SMYD5: variants seen among roughly 807,000 people sequenced by gnomAD.
SMYD5 encodes the protein protein-lysine N-trimethyltransferase SMYD5.
Under a neutral mutation model 57.4 loss-of-function variants are expected in SMYD5, and 35 were observed. That is an observed-to-expected ratio of 0.61 (90% confidence interval 0.47 to 0.81). SMYD5 has a LOEUF of 0.81. Ranked by LOEUF, SMYD5 falls within the 30% of genes least tolerant of loss-of-function variation. The probability of loss-of-function intolerance (pLI) is 0.00; values close to 1 mark genes in which losing one functional copy is unlikely to be tolerated. For synonymous variants in SMYD5, 198 were observed against 189.7 expected (o/e 1.04, Z -0.36); for missense variants, 471 against 527.9 (o/e 0.89, Z 1.06).
At chr2:73,223,743 G>A (rs946356652) in intron 9 of SMYD5, among the ~76,000 whole-genome samples, 1 of 152,106 alleles carries the variant, frequency 6.6e-6, no homozygotes, top group Admixed American at 6.5e-5. Flanking sequence ...GAGGAGGGGG[G>A]TGCTGGATAA....
rs568161328 is a variant in SMYD5 at position 73,220,784 on chromosome 2, T to TAGG, written c.467+3_467+5dup. 1.1e-3 allele frequency: 1,733 copies of TAGG among 1,613,634 alleles called. 2 individuals carry two copies. Among genetic ancestry groups the TAGG allele is most frequent in the Non-Finnish European group, 1.3e-3 (1,522 of 1,179,908 alleles). ...CAATAAGCTTCAGGAGGCATGGAGGTAGGTTTCTTTTCCTCTCTTCTTTCC... is the reference window on the plus strand; with the variant it reads ...CAATAAGCTTCAGGAGGCATGGAGGTAGGAGGTTTCTTTTCCTCTCTTCTTTCC... On this transcript the variant is annotated splice_region_variant and intron_variant, in intron 4 of 12. Transcript: ENST00000389501.
At chr2:73,214,412 G>A (rs774912589) in intron 1 of SMYD5, 50 bp downstream of exon 1, 1 of 1,610,954 alleles carries the variant, frequency 6.2e-7, no homozygotes, top group Non-Finnish European at 8.5e-7. Context: ...TCCGGCCATG[G>A]AGACAGCCCG....
chr2:73,226,066 C>A lies in SMYD5; in HGVS notation c.*120C>A, dbSNP rs1686497461. The A allele has an allele frequency of 7.3e-7, 1 of 1,362,266 alleles. No individual in the cohort carries two copies. The highest frequency in any genetic ancestry group is 1.5e-5 in the African/African-American group (1 of 68,468). The allele number at this position is 1,362,266 out of a possible 1,614,324, so 84.4% of individuals were successfully genotyped here. A position where few individuals can be genotyped will look rare whatever the true frequency, so the allele number is the denominator to read the frequency against. Reference sequence around the variant, plus strand: ...ATTGCCTGCTTTCCCCATTCCAGCCCTCTCTGCTAGAGGGTAGGAGAGAGC... The same window carrying A: ...ATTGCCTGCTTTCCCCATTCCAGCCATCTCTGCTAGAGGGTAGGAGAGAGC... On this transcript the variant is annotated 3_prime_UTR_variant, in exon 13 of 13. Transcript: ENST00000389501.
chr2:73,225,068 G>A (rs547012273), intron 11 of SMYD5, 108 bp downstream of exon 11: 25 of 765,222 alleles, frequency 3.3e-5, no homozygotes, highest in Non-Finnish European at 5.0e-5. Context: ...CAGGCTGTTG[G>A]GTGGAATCCC....
chr2:73,224,999 AG>A (rs58429816), intron 11 of SMYD5, 39 bp downstream of exon 11: 137,900 of 1,492,304 alleles, frequency 0.092, 7,211 homozygotes, highest in Non-Finnish European at 0.11. Context: ...GGTGGGCAGT[AG>A]GCCTTGGAAG....
Position 73,220,706 on chromosome 2 carries a change from T to C in SMYD5, c.391T>C (p.Tyr131His). 1 of 1,614,066 alleles carries C rather than the reference T, an allele frequency of 6.2e-7. No individual in the cohort carries two copies. Among genetic ancestry groups the C allele is most frequent in the Non-Finnish European group, 8.5e-7 (1 of 1,179,998 alleles). Residue 131 changes from tyrosine to histidine, a missense_variant, in exon 4 of 13, where the codon TAC (tyrosine) becomes CAC (histidine). Transcript: ENST00000389501. Reference sequence around the variant, plus strand: ...ATGTCGGTTGGCAGCCACTGAGCAATACCACCAGGTCCTGTGCCCAGGCCC... The same window carrying C: ...ATGTCGGTTGGCAGCCACTGAGCAACACCACCAGGTCCTGTGCCCAGGCCC... Reference protein sequence around the residue: ...AECRLAATEQYHQVLCPGPSQ... With the variant: ...AECRLAATEQHHQVLCPGPSQ...
intron 2 of SMYD5, among the ~76,000 whole-genome samples, chr2:73,219,506 C>T (rs1048554969): frequency 6.6e-6 from 1 of 152,128 alleles, no homozygotes; most frequent in Non-Finnish European, 1.5e-5. Flanking sequence ...CTCAGCCTCC[C>T]GAGTAGCTGG....
In SMYD5 at chr2:73,225,951, G is replaced by C; in HGVS notation, c.*5G>C. ...GATGAGATGACTGATGTGTGATGTT[G>C]CCCTGCCCAGAAAGGGCCCTGCCCT... is the stretch of plus-strand genomic sequence containing the variant. On this transcript the variant is annotated 3_prime_UTR_variant, in exon 13 of 13. Coordinates refer to ENST00000389501, the MANE Select transcript of SMYD5 (RefSeq NM_006062.3). 1 of 1,611,158 alleles carries C rather than the reference G, an allele frequency of 6.2e-7. No homozygotes were observed. Among genetic ancestry groups the C allele is most frequent in the Non-Finnish European group, 8.5e-7 (1 of 1,178,378 alleles).
At chr2:73,222,504 T>C (rs1192018880) in intron 6 of SMYD5, among the ~76,000 whole-genome samples, 4 of 152,194 alleles carry the variant, frequency 2.6e-5, no homozygotes, top group Non-Finnish European at 4.4e-5. Context: ...CATTTCAGGC[T>C]GCCTCAGCCT....
intron 1 of SMYD5, 158 bp downstream of exon 1, chr2:73,214,520 G>A: frequency 6.7e-7 from 1 of 1,483,148 alleles, no homozygotes; most frequent in Non-Finnish European, 8.9e-7. Context: ...CTGTCCCTGC[G>A]CGCAGGCTCG....
rs752658001 is a variant in SMYD5 at position 73,214,375 on chromosome 2, C to T, written c.96+13C>T. The T allele has an allele frequency of 6.2e-6, 10 of 1,612,754 alleles. No individual in the cohort carries two copies. Among genetic ancestry groups the T allele is most frequent in the African/African-American group, 1.3e-5 (1 of 74,996 alleles). On this transcript the variant is annotated intron_variant, in intron 1 of 12. Coordinates refer to ENST00000389501, the MANE Select transcript of SMYD5 (RefSeq NM_006062.3). ...GAGCAGCGCCAAGGTGAGGTCGGGG[C>T]GGGTCCTGCCGGGAGCCTCTCCCCA...
At chr2:73,217,444 ATG>A (rs1558551075) in intron 1 of SMYD5, among the ~76,000 whole-genome samples, 1 of 152,206 alleles carries the variant, frequency 6.6e-6, no homozygotes, top group East Asian at 1.9e-4. Context: ...GTCAGAAATA[ATG>A]TGAGTCCCTG....
Position 73,226,006 on chromosome 2 carries a change from C to G in SMYD5, c.*60C>G, listed in dbSNP as rs2103724228. The G allele has an allele frequency of 5.2e-6, 8 of 1,532,524 alleles. No homozygotes were observed. In the East Asian group the frequency reaches 1.4e-4, roughly 28 times the overall value. 94.9% of individuals were successfully genotyped at this position (1,532,524 alleles called of 1,614,324 possible). A position where few individuals can be genotyped will look rare whatever the true frequency, so the allele number is the denominator to read the frequency against. The stretch of plus-strand genomic sequence containing the variant: ...CCTGCCAGAAAAGGGGGCTCTTCCC[C>G]CAGAGAAGTGGCTTGGAGGGAACTT... On this transcript the variant is annotated 3_prime_UTR_variant, in exon 13 of 13. Coordinates refer to ENST00000389501, the MANE Select transcript of SMYD5 (RefSeq NM_006062.3).
At chr2:73,223,002 G>A in intron 7 of SMYD5, 34 bp from the exon 8 acceptor site, 3 of 1,591,824 alleles carry the variant, frequency 1.9e-6, no homozygotes, top group Admixed American at 1.7e-5. Context: ...GTCAGTGGCT[G>A]TAATGAGCAC....
chr2:73,223,191 G>C, intron 8 of SMYD5, 85 bp downstream of exon 8: 1 of 1,091,454 alleles, frequency 9.2e-7, no homozygotes, highest in Non-Finnish European at 1.4e-6. Flanking sequence ...AGACTGGGAT[G>C]GGGTAGGGTG....
intron 1 of SMYD5, among the ~76,000 whole-genome samples, chr2:73,215,398 C>T (rs368557565): frequency 3.3e-5 from 5 of 152,186 alleles, no homozygotes; most frequent in African/African-American, 1.2e-4. Context: ...TGTCTGCTCT[C>T]AGCGTCATCA....
chr2:73,214,560 C>T (rs1686256246), intron 1 of SMYD5, 198 bp downstream of exon 1: 9 of 1,488,580 alleles, frequency 6.0e-6, no homozygotes, highest in Non-Finnish European at 8.1e-6. Context: ...ACCCGGGCCT[C>T]CGGAGTCTCC....
At chr2:73,214,502 C>A in intron 1 of SMYD5, 140 bp downstream of exon 1, 1 of 1,493,198 alleles carries the variant, frequency 6.7e-7, no homozygotes, top group Non-Finnish European at 8.9e-7. Flanking sequence ...GGCCCGGGGG[C>A]TCCCAGTCTG....
chr2:73,222,990 A>G lies in SMYD5; in HGVS notation c.706-46A>G, dbSNP rs1686424520. 5.1e-6 allele frequency: 8 copies of G among 1,575,364 alleles called. No individual in the cohort carries two copies. In the East Asian group the frequency reaches 1.6e-4, roughly 31 times the overall value. On this transcript the variant is annotated intron_variant, in intron 7 of 12. Transcript: ENST00000389501. ...CAAACAGAGAGTCCAATTGGAAGAA[A>G]AGTCAGTGGCTGTAATGAGCACTCA...
Sources: gnomAD v4.1 joint callset for allele counts (sites outside exome capture counted in the v4.1 genomes callset) on GRCh38, gnomAD v4.1.1 for gene constraint, MANE v1.5 for transcripts, NCBI Gene and HGNC (gene_info 2026-07-23, HGNC 2026-07-21) for gene names.